The following TRIT1 variants were observed in gnomAD, a reference collection of about 807,000 sequenced individuals.
TRIT1 encodes the protein tRNA dimethylallyltransferase.
In TRIT1, 43 loss-of-function variants were observed where a neutral mutation model predicts 51.2. That is an observed-to-expected ratio of 0.84 (90% CI 0.66 to 1.08). The LOEUF (loss-of-function observed/expected upper bound fraction) is 1.08, where lower values mean the gene tolerates loss of function less well. TRIT1 is among the 50% of genes least tolerant of loss of function. The probability of loss-of-function intolerance (pLI) is 0.00; values close to 1 mark genes in which losing one functional copy is unlikely to be tolerated. For missense variants in TRIT1, 528 were observed against 578.4 expected, an observed-to-expected ratio of 0.91 and a Z score of 0.89; for synonymous variants, 184 against 203.9, an observed-to-expected ratio of 0.90 and a Z score of 0.83.
At chr1:39,856,854 A>C (rs1020562079) in intron 2 of TRIT1, among the ~76,000 whole-genome samples, 3 of 152,232 alleles carry the variant, frequency 2.0e-5, no homozygotes, top group African/African-American at 7.2e-5. Context: ...GGTTAAGGAA[A>C]TGCTTTACCC....
At chr1:39,844,290 G>A in intron 9 of TRIT1, 72 bp from the exon 10 acceptor site, 1 of 1,308,184 alleles carries the variant, frequency 7.6e-7, no homozygotes, top group South Asian at 1.3e-5. Flanking sequence ...TAAGGGAAAT[G>A]GGATTTTCCT....
chr1:39,862,336 G>A (rs1269930564), intron 1 of TRIT1, among the ~76,000 whole-genome samples: 1 of 151,098 alleles, frequency 6.6e-6, no homozygotes, highest in South Asian at 2.1e-4. Flanking sequence ...AAAAAGACTT[G>A]GATGATAGCT....
At chr1:39,883,510 T>G (rs753619773), upstream of TRIT1, 1 of 1,582,998 alleles carries the variant, frequency 6.3e-7, no homozygotes, top group South Asian at 1.1e-5. Context: ...AGTCTGCGCT[T>G]GCGCCGGAGC....
At chr1:39,854,754 G>GT (rs1642795255) in intron 2 of TRIT1, among the ~76,000 whole-genome samples, 1 of 152,076 alleles carries the variant, frequency 6.6e-6, no homozygotes, top group South Asian at 2.1e-4. Context: ...AGCCACTATT[G>GT]TTTTTTCATC....
At chr1:39,869,016 TGCCAC>T (rs929835224) in intron 1 of TRIT1, among the ~76,000 whole-genome samples, 11 of 151,936 alleles carry the variant, frequency 7.2e-5, no homozygotes, top group Non-Finnish European at 1.5e-4. Flanking sequence ...GCCGAGATCG[TGCCAC>T]TGCACTTCAG....
At chr1:39,868,931 G>A (rs2124658244) in intron 1 of TRIT1, among the ~76,000 whole-genome samples, 1 of 152,156 alleles carries the variant, frequency 6.6e-6, no homozygotes. Context: ...GTGGTGGCAG[G>A]CATGTGTAAT....
At chr1:39,847,144 A>T in intron 8 of TRIT1, 76 bp downstream of exon 8, 1 of 1,253,944 alleles carries the variant, frequency 8.0e-7, no homozygotes, top group Non-Finnish European at 1.1e-6. Flanking sequence ...TCTAAAATTC[A>T]TTTTCTGGGT....
chr1:39,851,741 G>A (rs913887881), intron 4 of TRIT1, among the ~76,000 whole-genome samples: 4 of 151,644 alleles, frequency 2.6e-5, no homozygotes, highest in African/African-American at 9.7e-5. Flanking sequence ...CTAGGAGTTT[G>A]GAACCAGCCT....
rs1160757090 is a variant in TRIT1, at chr1:39,844,626, C to G, written c.1021G>C (p.Val341Leu). Reference protein sequence around the residue: ...NRFLSRPGPIVPPVYGLEVSD... With the variant: ...NRFLSRPGPILPPVYGLEVSD... ...ACCTCTAAGCCATAGACAGGGGGGA[C>G]AATGGGACCAGGTCCTAATGATGAC... Residue 341 changes from valine to leucine, a missense_variant, in exon 9 of 11, where the codon GTC becomes CTC. Physicochemically the swap from Val to Leu is conservative, Grantham distance 32. Transcript: ENST00000316891. 6.2e-7 allele frequency: 1 copy of G among 1,613,176 alleles called. No homozygotes were observed. The highest frequency in any genetic ancestry group is 1.1e-5 in the South Asian group (1 of 91,056).
At chr1:39,865,671 CAAAAAAA>C (rs142393332) in intron 1 of TRIT1, among the ~76,000 whole-genome samples, 7 of 68,320 alleles carry the variant, frequency 1.0e-4, no homozygotes, top group East Asian at 3.4e-4. Context: ...TCTGTCTCTA[CAAAAAAA>C]AAAAAAAAAA....
rs912407976 is a variant in TRIT1 at position 39,839,221 on chromosome 1, T to C, written c.*2523A>G. On this transcript the variant is annotated 3_prime_UTR_variant, in exon 11 of 11. Transcript: ENST00000316891. ...GGCTCTGCTTGCCTTGGGATTGCTA[T>C]GGCCAGATGGTACAAAATGGCATTC... 2.2e-4 allele frequency among the ~76,000 whole-genome samples: 33 copies of C among 152,322 alleles called. No homozygotes were observed. The highest frequency in any genetic ancestry group is 7.2e-4 in the African/African-American group (30 of 41,576).
At position 39,883,373 on chromosome 1, in the gene TRIT1, G is replaced by A; in HGVS notation, c.119C>T (p.Ala40Val). Residue 40 changes from alanine (A) to valine (V), a missense_variant, in exon 1 of 11, where the codon GCG becomes GTG. Ala to Val is a moderately conservative substitution (Grantham distance 64). Around this residue, in one of 3 missense-constraint regions of TRIT1, gnomAD observed 5 missense variants for 18.9 expected, o/e 0.26. Coordinates refer to ENST00000316891, the MANE Select transcript of TRIT1 (RefSeq NM_017646.6). ...GATGTGKSTL[A>V]LQLGQRLGGE... ...GCCGAGCCGCTGGCCTAGCTGCAAC[G>A]CCAGCGTGGATTTGCCGGTGCCCGT... 3 of 1,613,264 alleles carry A rather than the reference G, an allele frequency of 1.9e-6. No individual in the cohort carries two copies. The highest frequency in any genetic ancestry group is 2.5e-6 in the Non-Finnish European group (3 of 1,179,772).
At chr1:39,852,517 T>C in intron 4 of TRIT1, 2 of 605,070 alleles carry the variant, frequency 3.3e-6, no homozygotes, top group Admixed American at 6.0e-5. Flanking sequence ...TATTGTACTA[T>C]GCATTTAAAA....
Position 39,844,551 on chromosome 1 carries a change from T to TTTCAAGAGCAGG in TRIT1, c.1084_1095dup (p.Pro362_Glu365dup). 1 of 1,613,918 alleles carries TTTCAAGAGCAGG rather than the reference T, an allele frequency of 6.2e-7. No individual in the cohort carries two copies. The highest frequency in any genetic ancestry group is 8.5e-7 in the Non-Finnish European group (1 of 1,179,812). ...ATTACCTGGATGAAACTTTGCACGA[T>TTTCAAGAGCAGG]TTCAAGAGCAGGTTCAAGAACAGAC... On this transcript the variant is annotated inframe_insertion, in exon 9 of 11. Transcript: ENST00000316891.
At chr1:39,856,874 C>T (rs1251996531) in intron 2 of TRIT1, among the ~76,000 whole-genome samples, 1 of 152,164 alleles carries the variant, frequency 6.6e-6, no homozygotes, top group East Asian at 1.9e-4. Flanking sequence ...CAGTAAAATT[C>T]ACATGGTAAA....
At chr1:39,862,424 A>C (rs1643304956) in intron 1 of TRIT1, among the ~76,000 whole-genome samples, 1 of 152,004 alleles carries the variant, frequency 6.6e-6, no homozygotes, top group Non-Finnish European at 1.5e-5. Context: ...GTAATGTTCT[A>C]TTTCTTGTGA....
chr1:39,870,412 C>G (rs1643826512), intron 1 of TRIT1, among the ~76,000 whole-genome samples: 1 of 151,466 alleles, frequency 6.6e-6, no homozygotes, highest in Non-Finnish European at 1.5e-5. Context: ...AACCAGAGAC[C>G]CTTGTTCACA....
At chr1:39,854,259 T>G (rs980866216) in intron 2 of TRIT1, among the ~76,000 whole-genome samples, 191 bp from the exon 3 acceptor site, 1 of 152,230 alleles carries the variant, frequency 6.6e-6, no homozygotes, top group African/African-American at 2.4e-5. Context: ...CTGGAGGGAC[T>G]TGCAGAAACC....
rs1306757980 is a variant in TRIT1 at position 39,840,301 on chromosome 1, C to T, written c.*1443G>A. 1.3e-5 allele frequency among the ~76,000 whole-genome samples: 2 copies of T among 152,302 alleles called. No homozygotes were observed. The highest frequency in any genetic ancestry group is 3.9e-4 in the East Asian group (2 of 5,192). ...AAGTGGGTGAGGCTCTGGAATTCAG[C>T]ACTGTTTAAAAAGGTCAATCAAGTT... On this transcript the variant is annotated 3_prime_UTR_variant, in exon 11 of 11. Transcript: ENST00000316891.
Sources: allele counts gnomAD v4.1 joint callset (sites outside exome capture counted in the v4.1 genomes callset), GRCh38; gene constraint gnomAD v4.1.1; regional missense constraint gnomAD v4.1.1; transcripts MANE v1.5; gene names NCBI Gene and HGNC (gene_info 2026-07-23, HGNC 2026-07-21).